The following NRK variants were observed in gnomAD, a reference collection of about 807,000 sequenced individuals.
NRK encodes the protein Nik related kinase.
A neutral mutation model predicts 125.2 loss-of-function variants in NRK; 67 were observed. The observed-to-expected ratio is 0.54, with a 90% CI of 0.44 to 0.66. NRK has a LOEUF of 0.66. Among genes scored for constraint, NRK ranks in the 30% least tolerant of loss-of-function variants. NRK has a pLI of 0.00. For synonymous variants in NRK, 458 were observed against 429.0 expected, an observed-to-expected ratio of 1.07 and a Z score of -0.84; for missense variants, 1,224 against 1,192.9, an observed-to-expected ratio of 1.03 and a Z score of -0.38.
chrX:105,864,462 A>G (rs2039644883), intron 2 of NRK, among the ~76,000 whole-genome samples: 1 of 111,845 alleles, frequency 8.9e-6, no homozygotes, highest in Non-Finnish European at 1.9e-5. Context: ...AAATGCACCA[A>G]GTAGAGGAAG....
At position 105,924,262 on chromosome X, in the gene NRK, T is replaced by C. The variant is rs762045518; in HGVS notation, c.2976-433T>C. Among the ~76,000 whole-genome samples the C allele has an allele frequency of 1.4e-4, 15 of 110,885 alleles. 1 individual carries two copies. In the South Asian group the frequency reaches 3.4e-3, roughly 25 times the overall value. ...CATGTTAGAAAATCAAGGCACATGT[T>C]GAAATGAACACAAACTAGATATACT... is the stretch of plus-strand genomic sequence containing the variant. On this transcript the variant is annotated intron_variant, in intron 18 of 28. Coordinates refer to ENST00000243300, the MANE Select transcript of NRK (RefSeq NM_198465.4).
chrX:105,908,253 C>G lies in NRK; in HGVS notation c.1035C>G (p.Ile345Met). 4 of 1,101,340 alleles carry G rather than the reference C, an allele frequency of 3.6e-6. No homozygotes were observed. Among genetic ancestry groups the G allele is most frequent in the Non-Finnish European group, 4.9e-6 (4 of 821,164 alleles). The allele number at this position is 1,101,340 out of a possible 1,213,427, so 90.8% of individuals were successfully genotyped here. A position where few individuals can be genotyped will look rare whatever the true frequency, so the allele number is the denominator to read the frequency against. Residue 345 changes from isoleucine to methionine, a missense_variant, in exon 12 of 29, where the codon ATC (isoleucine) becomes ATG (methionine). Transcript: ENST00000243300. ...TTGTAAAAAAAGGAATACCTTTGAT[C>G]TTTGAAAGAGAAGAAGCTATTAAGG... Reference protein sequence around the residue: ...KKRQKKGIPLIFEREEAIKEQ... With the variant: ...KKRQKKGIPLMFEREEAIKEQ...
intron 16 of NRK, among the ~76,000 whole-genome samples, chrX:105,919,260 A>G (rs907373010): frequency 9.0e-6 from 1 of 110,716 alleles, no homozygotes; most frequent in Non-Finnish European, 1.9e-5. Context: ...AGCTTTTTCT[A>G]AGTACACTCA....
In NRK at chrX:105,953,135, A is replaced by G. The variant is rs201918476; in HGVS notation, c.4615A>G (p.Ile1539Val). 5.3e-5 allele frequency: 63 copies of G among 1,194,489 alleles called. No homozygotes were observed. The highest frequency in any genetic ancestry group is 8.8e-5 in the African/African-American group (5 of 57,068). The change falls in exon 28 of 29, where the codon ATT (isoleucine) becomes GTT (valine). Residue 1539 changes from isoleucine to valine, a missense_variant. Physicochemically the swap from Ile to Val is conservative, Grantham distance 29 (BLOSUM62 3). Transcript: ENST00000243300. ...VLESELKRRSIKKLRFLCTRG... is the reference protein window; with the variant it reads ...VLESELKRRSVKKLRFLCTRG... The stretch of plus-strand genomic sequence containing the variant: ...GGAAAGTGAGCTGAAGCGCAGGTCA[A>G]TTAAGAAGCTGAGATTCCTGTGCAC...
At chrX:105,891,989 G>C (rs1022302641) in intron 5 of NRK, among the ~76,000 whole-genome samples, 1 of 111,315 alleles carries the variant, frequency 9.0e-6, no homozygotes, top group Non-Finnish European at 1.9e-5. Flanking sequence ...GTATAGCAAA[G>C]TGTGAGAAAT....
At chrX:105,870,155 T>C (rs972627179) in intron 2 of NRK, among the ~76,000 whole-genome samples, 1 of 111,772 alleles carries the variant, frequency 8.9e-6, no homozygotes, top group African/African-American at 3.2e-5. Context: ...ATTTTTGTAG[T>C]GTATTGTCAT....
intron 1 of NRK, 21 bp downstream of exon 1, chrX:105,822,923 G>T: frequency 8.8e-7 from 1 of 1,142,578 alleles, no homozygotes; most frequent in Non-Finnish European, 1.2e-6. Context: ...GACGCCCGTC[G>T]CCCCCCGAAA....
chrX:105,910,292 T>C (rs1268350860), intron 13 of NRK, among the ~76,000 whole-genome samples: 1 of 112,268 alleles, frequency 8.9e-6, no homozygotes, highest in Non-Finnish European at 1.9e-5. Context: ...AGTTTATTCT[T>C]TCTTCCAATA....
intron 19 of NRK, 75 bp downstream of exon 19, chrX:105,925,106 C>A: frequency 1.3e-6 from 1 of 767,489 alleles, no homozygotes; most frequent in Non-Finnish European, 1.9e-6. Flanking sequence ...TGTAGCATTT[C>A]TAGCCATTCC....
chrX:105,949,068 G>C (rs1303208256), intron 26 of NRK, among the ~76,000 whole-genome samples: 1 of 111,603 alleles, frequency 9.0e-6, no homozygotes, highest in Non-Finnish European at 1.9e-5. Context: ...ATTTCAAGCT[G>C]TGAAGACTAT....
intron 2 of NRK, among the ~76,000 whole-genome samples, chrX:105,845,518 G>A (rs1007698544): frequency 2.7e-5 from 3 of 112,111 alleles, no homozygotes; most frequent in African/African-American, 9.7e-5. Context: ...CATTTTTAAT[G>A]TAAGTATGTC....
Position 105,844,951 on chromosome X carries a change from T to G in NRK, c.123+13832T>G, listed in dbSNP as rs780970299. The stretch of plus-strand genomic sequence containing the variant: ...AGTGCTCATATCTTTTGAGTTCTGT[T>G]GGTGTTGTGAATCATCTTGCCATTT... On this transcript the variant is annotated intron_variant, in intron 2 of 28. Coordinates refer to ENST00000243300, the MANE Select transcript of NRK (RefSeq NM_198465.4). 2.7e-5 allele frequency among the ~76,000 whole-genome samples: 3 copies of G among 111,597 alleles called. No homozygotes were observed. In the South Asian group the frequency reaches 1.1e-3, roughly 42 times the overall value.
chrX:105,862,023 A>G (rs977319697), intron 2 of NRK, among the ~76,000 whole-genome samples: 1 of 112,137 alleles, frequency 8.9e-6, no homozygotes, highest in African/African-American at 3.2e-5. Flanking sequence ...AGATTGCGCC[A>G]CTGCACTCCA....
At chrX:105,843,746 G>T (rs181745618) in intron 2 of NRK, among the ~76,000 whole-genome samples, 13 of 111,337 alleles carry the variant, frequency 1.2e-4, no homozygotes, top group African/African-American at 4.2e-4. Flanking sequence ...TCTAGAACAT[G>T]TGTAAATATT....
intron 27 of NRK, among the ~76,000 whole-genome samples, chrX:105,950,744 C>T (rs1022428634): frequency 1.3e-4 from 14 of 109,446 alleles, no homozygotes; most frequent in African/African-American, 4.7e-4. Flanking sequence ...GTCATATGAA[C>T]TATGTACTTG....
At chrX:105,924,259 T>C (rs1350825452) in intron 18 of NRK, among the ~76,000 whole-genome samples, 1 of 110,728 alleles carries the variant, frequency 9.0e-6, no homozygotes, top group East Asian at 2.9e-4. Flanking sequence ...TCAAGGCACA[T>C]GTTGAAATGA....
intron 26 of NRK, among the ~76,000 whole-genome samples, chrX:105,947,849 A>G (rs1165800396): frequency 8.9e-6 from 1 of 112,318 alleles, no homozygotes; most frequent in Admixed American, 9.5e-5. Context: ...ACCAATTGTC[A>G]GGACATTAGT....
chrX:105,947,300 G>A (rs1299550945), intron 26 of NRK, among the ~76,000 whole-genome samples: 2 of 78,078 alleles, frequency 2.6e-5, no homozygotes, highest in Non-Finnish European at 4.5e-5. Flanking sequence ...AAAATTAGCC[G>A]GGCGTAGTGG....
At chrX:105,899,757 A>G (rs2040131845) in intron 8 of NRK, among the ~76,000 whole-genome samples, 1 of 111,502 alleles carries the variant, frequency 9.0e-6, no homozygotes, top group Non-Finnish European at 1.9e-5. Flanking sequence ...ACCTGAGGTC[A>G]GGAGTTCGAG....
Sources: gnomAD v4.1 joint callset for allele counts (sites outside exome capture counted in the v4.1 genomes callset) on GRCh38, gnomAD v4.1.1 for gene constraint, MANE v1.5 for transcripts, NCBI Gene and HGNC (gene_info 2026-07-23, HGNC 2026-07-21) for gene names.